The following CLU variants were observed in gnomAD, a reference collection of about 807,000 sequenced individuals.
CLU encodes the protein clusterin.
CLU carries 25 observed loss-of-function variants against 46.4 expected under a neutral mutation model. That is an observed-to-expected ratio of 0.54 (90% confidence interval 0.39 to 0.75). The LOEUF (loss-of-function observed/expected upper bound fraction) is 0.75. Among genes scored for constraint, CLU ranks in the 30% least tolerant of loss-of-function variants. The pLI, the probability that CLU is intolerant of heterozygous loss-of-function variation, is 0.00. For synonymous variants in CLU, 235 were observed against 235.1 expected, an observed-to-expected ratio of 1.00 and a Z score of 0.00; for missense variants, 504 against 592.1, an observed-to-expected ratio of 0.85 and a Z score of 1.54.
Position 27,599,722 on chromosome 8 carries a change from T to TGCTCCCGATCACAGCTCGG in CLU, c.1164+39_1164+57dup. 1.5e-6 allele frequency: 2 copies of TGCTCCCGATCACAGCTCGG among 1,304,262 alleles called. No homozygotes were observed. Among genetic ancestry groups the TGCTCCCGATCACAGCTCGG allele is most frequent in the Non-Finnish European group, 2.2e-6 (2 of 917,978 alleles). The allele number at this position is 1,304,262 out of a possible 1,614,324, so 80.8% of individuals were successfully genotyped here. A position where few individuals can be genotyped will look rare whatever the true frequency, so the allele number is the denominator to read the frequency against. On this transcript the variant is annotated intron_variant, in intron 7 of 8. Coordinates refer to ENST00000316403, the MANE Select transcript of CLU (RefSeq NM_001831.4). This position sits in a 1 kb window ranked among gnomAD's most constrained non-coding sequence, Gnocchi z 4.0. Reference sequence around the variant, plus strand: ...GCTCAGTCAAAAGCACACATGCCCCTGCTCCCGATCACAGCTCGGGCTCCC... The same window carrying TGCTCCCGATCACAGCTCGG: ...GCTCAGTCAAAAGCACACATGCCCCTGCTCCCGATCACAGCTCGGGCTCCCGATCACAGCTCGGGCTCCC...
intron 4 of CLU, among the ~76,000 whole-genome samples, chr8:27,605,633 C>G (rs1472673241): frequency 3.3e-4 from 50 of 152,254 alleles, no homozygotes; most frequent in Non-Finnish European, 4.4e-5. Context: ...ATATCCACCC[C>G]CGCTCGGCTA....
intron 1 of CLU, among the ~76,000 whole-genome samples, chr8:27,612,455 C>T (rs1445377729): frequency 1.3e-5 from 2 of 152,140 alleles, no homozygotes; most frequent in African/African-American, 4.8e-5. Context: ...AGGTCTGAGG[C>T]TGGGCATTGG....
At chr8:27,612,549 G>A (rs1800947664) in intron 1 of CLU, among the ~76,000 whole-genome samples, 1 of 152,106 alleles carries the variant, frequency 6.6e-6, no homozygotes, top group Non-Finnish European at 1.5e-5. Flanking sequence ...CGGACTGTGT[G>A]GCTCTGCTTT....
intron 4 of CLU, among the ~76,000 whole-genome samples, chr8:27,605,872 CA>C (rs59175151): frequency 0.032 from 4,684 of 148,000 alleles, 74 homozygotes; most frequent in Middle Eastern, 0.09. Context: ...CCCATGTTTA[CA>C]AAAAAAAAAT....
chr8:27,609,270 C>T (rs1800879811), intron 2 of CLU, among the ~76,000 whole-genome samples, 184 bp from the exon 3 acceptor site: 1 of 152,256 alleles, frequency 6.6e-6, no homozygotes, highest in Middle Eastern at 3.4e-3. Flanking sequence ...CCATCACAGG[C>T]TCCTTGCTGA....
At chr8:27,608,686 C>T (rs1800864494) in intron 3 of CLU, 1 of 590,806 alleles carries the variant, frequency 1.7e-6, no homozygotes, top group African/African-American at 1.9e-5. Context: ...TTAGAAACAT[C>T]TATTGAAATG....
chr8:27,610,530 G>C lies in CLU; in HGVS notation c.42C>G (p.Thr14=). 1 of 1,614,232 alleles carries C rather than the reference G, an allele frequency of 6.2e-7. No homozygotes were observed. Among genetic ancestry groups the C allele is most frequent in the Non-Finnish European group, 8.5e-7 (1 of 1,180,026 alleles). ...CCCCCAGGACCTGCCCACTCTCCCA[G>C]GTCAGCAGCAGCCCCACAAACAGCA... ...TLLLFVGLLL[T]WESGQVLGDQ... is the part of the protein sequence containing the mutation. Residue 14 remains threonine, a synonymous_variant, in exon 2 of 9, where the codon ACC becomes ACG. Transcript: ENST00000316403.
chr8:27,614,538 G>A (rs775788004), intron 1 of CLU, 117 bp downstream of exon 1: 2 of 375,724 alleles, frequency 5.3e-6, no homozygotes, highest in Non-Finnish European at 1.1e-5. Flanking sequence ...TCCGTCGAAA[G>A]CGCAGGGGTT....
rs766797063 is a variant in CLU, at chr8:27,599,866, C to A, written c.1078G>T (p.Glu360Ter). 1 of 1,614,152 alleles carries A rather than the reference C, an allele frequency of 6.2e-7. No individual in the cohort carries two copies. The highest frequency in any genetic ancestry group is 8.5e-7 in the Non-Finnish European group (1 of 1,180,018). The change falls in exon 7 of 9, where the codon GAG becomes TAG. Residue 360 changes from glutamate (E) to a stop codon, truncating the protein, a stop_gained. Coordinates refer to ENST00000316403, the MANE Select transcript of CLU (RefSeq NM_001831.4). LOFTEE classifies it high-confidence loss of function. The surrounding 1 kb of genome is among the most constrained non-coding windows in gnomAD (Gnocchi z 4.0). ...WKMLNTSSLL[E>*]QLNEQFNWVS... ...CAGTTAAACTGCTCGTTCAGCTGCT[C>A]CAGCAAGGAGGAGGTGTTGAGCATC...
chr8:27,602,771 G>A (rs758847481), intron 6 of CLU, among the ~76,000 whole-genome samples: 2 of 152,000 alleles, frequency 1.3e-5, no homozygotes, highest in Non-Finnish European at 2.9e-5. Context: ...AATTCTCTAA[G>A]AATCTATCTC....
At chr8:27,609,767 C>T (rs1192473295) in intron 2 of CLU, among the ~76,000 whole-genome samples, 1 of 152,114 alleles carries the variant, frequency 6.6e-6, no homozygotes, top group Non-Finnish European at 1.5e-5. Flanking sequence ...GGAGTATGTT[C>T]TGGAGGTCTA....
At chr8:27,609,705 G>C (rs1800887723) in intron 2 of CLU, among the ~76,000 whole-genome samples, 1 of 152,124 alleles carries the variant, frequency 6.6e-6, no homozygotes, top group Admixed American at 6.5e-5. Flanking sequence ...TTCGCAGAGG[G>C]AGACATGGGA....
chr8:27,599,734 C>T lies in CLU; in HGVS notation c.1164+46G>A, dbSNP rs1467827896. 4 of 1,423,742 alleles carry T rather than the reference C, an allele frequency of 2.8e-6. No individual in the cohort carries two copies. Among genetic ancestry groups the T allele is most frequent in the African/African-American group, 2.8e-5 (2 of 70,704 alleles). The allele number at this position is 1,423,742 out of a possible 1,614,324, so 88.2% of individuals were successfully genotyped here. A position where few individuals can be genotyped will look rare whatever the true frequency, so the allele number is the denominator to read the frequency against. On this transcript the variant is annotated intron_variant, in intron 7 of 8. Coordinates refer to ENST00000316403, the MANE Select transcript of CLU (RefSeq NM_001831.4). The surrounding 1 kb of genome is among the most constrained non-coding windows in gnomAD (Gnocchi z 4.0). The stretch of plus-strand genomic sequence containing the variant: ...GCACACATGCCCCTGCTCCCGATCA[C>T]AGCTCGGGCTCCCGAGCCACAGCAT...
At chr8:27,608,644 G>A in intron 3 of CLU, 2 of 545,472 alleles carry the variant, frequency 3.7e-6, no homozygotes, top group Non-Finnish European at 6.6e-6. Flanking sequence ...ACCCCATCCA[G>A]AGCCTGCTTG....
chr8:27,604,084 C>T (rs1800769477), intron 6 of CLU: 2 of 593,374 alleles, frequency 3.4e-6, no homozygotes, highest in Non-Finnish European at 6.1e-6. Context: ...ACTTCAGGGA[C>T]AGCCTCGCAT....
chr8:27,601,292 C>T (rs537461216), intron 6 of CLU, among the ~76,000 whole-genome samples: 1 of 152,306 alleles, frequency 6.6e-6, no homozygotes, highest in Admixed American at 6.5e-5. Context: ...CTCAGGGGTC[C>T]ACCCACCTCG....
At chr8:27,613,558 A>G (rs1375200154) in intron 1 of CLU, 1 of 152,194 alleles carries the variant, frequency 6.6e-6, no homozygotes, top group East Asian at 1.9e-4. Flanking sequence ...AACCAAAAGG[A>G]AAATAAGAAA....
intron 1 of CLU, 95 bp downstream of exon 1, chr8:27,614,560 C>T (rs1004037312): frequency 4.0e-5 from 16 of 399,600 alleles, no homozygotes; most frequent in Non-Finnish European, 8.1e-5. Flanking sequence ...TGACTGCGAG[C>T]TGTGTCATCC....
chr8:27,602,927 T>A lies in CLU; in HGVS notation c.934+1364A>T, dbSNP rs377153358. On this transcript the variant is annotated intron_variant, in intron 6 of 8. Transcript: ENST00000316403. ...TAAAAATACAAAAATTAGCTGGGTGTGGTGGTGCACACCTGCACTCCCAGC... is the reference window on the plus strand; with the variant it reads ...TAAAAATACAAAAATTAGCTGGGTGAGGTGGTGCACACCTGCACTCCCAGC... 3.2e-3 allele frequency among the ~76,000 whole-genome samples: 484 copies of A among 151,906 alleles called. 3 individuals carry two copies. Among genetic ancestry groups the A allele is most frequent in the African/African-American group, 0.011 (461 of 41,422 alleles).
Sources: gnomAD v4.1 joint callset for allele counts (sites outside exome capture counted in the v4.1 genomes callset) on GRCh38, gnomAD v4.1.1 for gene constraint, Gnocchi (gnomAD v3.1) non-coding constraint, MANE v1.5 for transcripts, NCBI Gene and HGNC (gene_info 2026-07-23, HGNC 2026-07-21) for gene names.